The following SHC4 variants were observed in gnomAD, a reference collection of about 807,000 sequenced individuals.
SHC4 encodes the protein SHC-transforming protein 4.
SHC4 carries 41 observed loss-of-function variants against 69.4 expected under a neutral mutation model. The ratio of observed to expected loss-of-function variants is 0.59; its 90% confidence interval spans 0.46 to 0.77. The LOEUF is 0.77. SHC4 is among the 30% of genes least tolerant of loss of function. SHC4 has a pLI of 0.00. For missense variants in SHC4, 777 were observed against 783.8 expected (o/e 0.99, Z 0.10); for synonymous variants, 318 against 299.3 (o/e 1.06, Z -0.64).
chr15:48,918,629 T>A (rs2141020940), intron 2 of SHC4, among the ~76,000 whole-genome samples: 1 of 152,318 alleles, frequency 6.6e-6, no homozygotes, highest in African/African-American at 2.4e-5. Flanking sequence ...TCCTATTTAG[T>A]TCAAGACCTA....
chr15:48,943,601 C>T (rs921744968), intron 1 of SHC4, among the ~76,000 whole-genome samples: 1 of 152,004 alleles, frequency 6.6e-6, no homozygotes, highest in African/African-American at 2.4e-5. Context: ...ATTTCATTTC[C>T]TTTGGGTATA....
At chr15:48,951,034 C>T (rs574374707) in intron 1 of SHC4, among the ~76,000 whole-genome samples, 1 of 152,106 alleles carries the variant, frequency 6.6e-6, no homozygotes, top group African/African-American at 2.4e-5. Context: ...CCCTTCCTCC[C>T]CTTTCCATAG....
intron 11 of SHC4, among the ~76,000 whole-genome samples, chr15:48,826,761 T>G (rs1032704296): frequency 2.0e-5 from 3 of 152,142 alleles, no homozygotes; most frequent in Admixed American, 6.6e-5. Flanking sequence ...TTAACCAGAG[T>G]GCTTCCATAT....
chr15:48,948,292 C>T (rs1299643755), intron 1 of SHC4, among the ~76,000 whole-genome samples: 1 of 152,188 alleles, frequency 6.6e-6, no homozygotes, highest in African/African-American at 2.4e-5. Flanking sequence ...GTAAAATGGG[C>T]TCATTGATTA....
At chr15:48,880,663 T>A (rs1899922862) in intron 4 of SHC4, among the ~76,000 whole-genome samples, 1 of 152,130 alleles carries the variant, frequency 6.6e-6, no homozygotes, top group African/African-American at 2.4e-5. Context: ...GAGAAAAACC[T>A]GGGCTCTGCA....
intron 7 of SHC4, among the ~76,000 whole-genome samples, chr15:48,856,881 G>C (rs980453609): frequency 1.3e-5 from 2 of 151,800 alleles, no homozygotes; most frequent in African/African-American, 4.8e-5. Flanking sequence ...TAAAATGATA[G>C]CACTAAGACA....
intron 2 of SHC4, among the ~76,000 whole-genome samples, chr15:48,917,935 A>G (rs1217522770): frequency 6.6e-6 from 1 of 152,178 alleles, no homozygotes; most frequent in Non-Finnish European, 1.5e-5. Context: ...CTTTATTACC[A>G]GGAATTTCAT....
At chr15:48,904,167 T>C (rs1440109478) in intron 2 of SHC4, among the ~76,000 whole-genome samples, 2 of 152,198 alleles carry the variant, frequency 1.3e-5, no homozygotes, top group Non-Finnish European at 2.9e-5. Context: ...TTCCCCAAGA[T>C]TTGTTCCTTA....
At chr15:48,867,014 T>C (rs1176145760) in intron 6 of SHC4, among the ~76,000 whole-genome samples, 1 of 152,212 alleles carries the variant, frequency 6.6e-6, no homozygotes, top group African/African-American at 2.4e-5. Flanking sequence ...TTTTTGAGTA[T>C]CGCCTATATG....
intron 10 of SHC4, among the ~76,000 whole-genome samples, chr15:48,835,277 G>T (rs1595726112): frequency 1.3e-5 from 2 of 152,182 alleles, no homozygotes; most frequent in South Asian, 4.1e-4. Flanking sequence ...TTTTCTTTCA[G>T]ATGGGAAATG....
chr15:48,881,145 C>T (rs1318662155), intron 4 of SHC4, among the ~76,000 whole-genome samples: 1 of 151,854 alleles, frequency 6.6e-6, no homozygotes, highest in Admixed American at 6.6e-5. Flanking sequence ...TTTATCCATA[C>T]ATATTATAAA....
intron 9 of SHC4, among the ~76,000 whole-genome samples, chr15:48,845,497 A>G (rs997060755): frequency 6.6e-6 from 1 of 152,232 alleles, no homozygotes; most frequent in Non-Finnish European, 1.5e-5. Context: ...AAGTGGATTT[A>G]TAAGTTATAT....
At chr15:48,902,942 G>A (rs1208437678) in intron 2 of SHC4, among the ~76,000 whole-genome samples, 3 of 152,054 alleles carry the variant, frequency 2.0e-5, no homozygotes, top group Non-Finnish European at 4.4e-5. Context: ...CCAGAGTTAT[G>A]CCCCCTTAAA....
intron 2 of SHC4, among the ~76,000 whole-genome samples, chr15:48,893,755 G>A (rs866051791): frequency 2.7e-4 from 41 of 152,312 alleles, no homozygotes; most frequent in Middle Eastern, 3.4e-3. Context: ...CCATTGCCAG[G>A]GGCCTTGGTT....
chr15:48,886,408 T>G (rs1326774690), intron 3 of SHC4, among the ~76,000 whole-genome samples: 10 of 152,172 alleles, frequency 6.6e-5, no homozygotes. Context: ...ATGTCCAAAA[T>G]GTATTTATTA....
Position 48,843,567 on chromosome 15 carries a change from A to G in SHC4, c.1325T>C (p.Val442Ala), listed in dbSNP as rs902502572. 1 of 1,614,066 alleles carries G rather than the reference A, an allele frequency of 6.2e-7. No homozygotes were observed. The highest frequency in any genetic ancestry group is 1.3e-5 in the African/African-American group (1 of 75,038). The change falls in exon 10 of 12, where the codon GTG (valine) becomes GCG (alanine). Residue 442 changes from valine to alanine, a missense_variant. Val to Ala is a moderately conservative substitution (Grantham distance 64, BLOSUM62 0). Transcript: ENST00000332408. ...RAIGNVHPRG[V>A]QSQRDTSLLK... Reference sequence around the variant, plus strand: ...TAATGAGGTATCTCGCTGGGACTGCACCCCTCTTGGATGGACATTACCTGT... The same window carrying G: ...TAATGAGGTATCTCGCTGGGACTGCGCCCCTCTTGGATGGACATTACCTGT...
At chr15:48,931,533 C>A (rs1477023242) in intron 1 of SHC4, among the ~76,000 whole-genome samples, 2 of 152,018 alleles carry the variant, frequency 1.3e-5, no homozygotes, top group Admixed American at 1.3e-4. Context: ...ATCCATCAAC[C>A]AATCAAGAGG....
chr15:48,827,214 T>C (rs1898705864), intron 11 of SHC4, among the ~76,000 whole-genome samples: 1 of 152,188 alleles, frequency 6.6e-6, no homozygotes, highest in Non-Finnish European at 1.5e-5. Context: ...TGTCTAGATG[T>C]TGGTTTTTGC....
chr15:48,830,136 C>T (rs1400962189), intron 11 of SHC4, among the ~76,000 whole-genome samples: 1 of 151,926 alleles, frequency 6.6e-6, no homozygotes, highest in Non-Finnish European at 1.5e-5. Flanking sequence ...TGCTGTCTTC[C>T]TTTGTGTTTC....
Sources: allele counts gnomAD v4.1 joint callset (sites outside exome capture counted in the v4.1 genomes callset), GRCh38; gene constraint gnomAD v4.1.1; transcripts MANE v1.5; gene names NCBI Gene and HGNC (gene_info 2026-07-23, HGNC 2026-07-21).